DEPDC5: variants seen among roughly 807,000 people sequenced by gnomAD.
The protein encoded by DEPDC5 is DEP domain containing 5, GATOR1 subcomplex subunit, also known as GATOR1 complex protein DEPDC5.
In DEPDC5, 73 loss-of-function variants were observed where a neutral mutation model predicts 217.3. The observed-to-expected ratio is 0.34, with a 90% CI of 0.28 to 0.41. The LOEUF (loss-of-function observed/expected upper bound fraction) is 0.41, where lower values mean the gene tolerates loss of function less well. Ranked by LOEUF, DEPDC5 falls within the 10% of genes least tolerant of loss-of-function variation. The pLI is 1.00. For synonymous variants in DEPDC5, 733 were observed against 756.7 expected (o/e 0.97, Z 0.51); for missense variants, 1,675 against 2,070.1 (o/e 0.81, Z 3.70).
chr22:31,805,168 A>G, intron 17 of DEPDC5: 2 of 284,496 alleles, frequency 7.0e-6, no homozygotes, highest in South Asian at 4.6e-5. Context: ...ATGTCCTTCT[A>G]TTCCCAACTC....
intron 1 of DEPDC5, among the ~76,000 whole-genome samples, 153 bp from the exon 2 acceptor site, chr22:31,754,709 G>T (rs1466559015): frequency 6.6e-6 from 1 of 152,192 alleles, no homozygotes. Context: ...GTTCTCCATC[G>T]CTCCTTGTAA....
At chr22:31,888,240 GTTTTTTTTT>G (rs71184531) in intron 38 of DEPDC5, among the ~76,000 whole-genome samples, 1 of 66,352 alleles carries the variant, frequency 1.5e-5, no homozygotes, top group African/African-American at 6.4e-5. Context: ...TTTGTCTGTG[GTTTTTTTTT>G]TTTTTTTTTT....
chr22:31,842,575 C>CAAAAAAAAA (rs56671305), intron 27 of DEPDC5, among the ~76,000 whole-genome samples: 1 of 73,504 alleles, frequency 1.4e-5, no homozygotes, highest in Admixed American at 1.5e-4. Flanking sequence ...AACTCCATCT[C>CAAAAAAAAA]AAAAAAAAAA....
chr22:31,787,393 T>G (rs879325611), intron 10 of DEPDC5, among the ~76,000 whole-genome samples: 1 of 152,188 alleles, frequency 6.6e-6, no homozygotes, highest in Non-Finnish European at 1.5e-5. Flanking sequence ...GGGAAATTCA[T>G]ATAACCTTGA....
rs532542277 is a variant in DEPDC5, at chr22:31,854,119, A to G, written c.3156-3326A>G. ...AACATACCTGAGCATGCCCTCATGT[A>G]TGTTCTCATGTATGTTCTCATGTAT... On this transcript the variant is annotated intron_variant, in intron 31 of 42. Coordinates refer to ENST00000651528, the MANE Select transcript of DEPDC5 (RefSeq NM_001242896.3). 2.3e-4 allele frequency among the ~76,000 whole-genome samples: 35 copies of G among 152,146 alleles called. 1 individual carries two copies. The South Asian group carries it at 7.1e-3, about 31-fold the overall frequency.
chr22:31,798,919 A>G (rs1855839175), intron 14 of DEPDC5, among the ~76,000 whole-genome samples: 1 of 152,212 alleles, frequency 6.6e-6, no homozygotes, highest in African/African-American at 2.4e-5. Context: ...TTGTTTATAT[A>G]TAACAAAGCA....
chr22:31,803,187 C>T (rs2087069754), intron 15 of DEPDC5, among the ~76,000 whole-genome samples: 1 of 151,922 alleles, frequency 6.6e-6, no homozygotes, highest in Non-Finnish European at 1.5e-5. Flanking sequence ...TTTCAAGGGA[C>T]CCATGTGCTG....
At chr22:31,777,544 G>A (rs965466753) in intron 7 of DEPDC5, among the ~76,000 whole-genome samples, 2 of 151,874 alleles carry the variant, frequency 1.3e-5, no homozygotes, top group African/African-American at 4.8e-5. Context: ...ACAGGCGTGA[G>A]CCACCATGCC....
chr22:31,861,225 T>G, intron 32 of DEPDC5, 143 bp from the exon 33 acceptor site: 1 of 609,576 alleles, frequency 1.6e-6, no homozygotes, highest in Non-Finnish European at 2.9e-6. Flanking sequence ...ATGTCCTTGT[T>G]TCTCTCCTTC....
At position 31,819,008 on chromosome 22, in the gene DEPDC5, A is replaced by G. The variant is rs2089429523; in HGVS notation, c.1667-14A>G. ...TGGTTTTTCTTTGTGACTCAACTCC[A>G]TGATAACTGGCAGATGTCCTGGAGA... On this transcript the variant is annotated splice_polypyrimidine_tract_variant and intron_variant, in intron 21 of 42. Transcript: ENST00000651528. 2 of 1,613,982 alleles carry G rather than the reference A, an allele frequency of 1.2e-6. No individual in the cohort carries two copies. Among genetic ancestry groups the G allele is most frequent in the African/African-American group, 2.7e-5 (2 of 74,890 alleles).
At chr22:31,777,948 ATGT>A (rs1343231595) in intron 7 of DEPDC5, 148 bp from the exon 8 acceptor site, 1 of 746,060 alleles carries the variant, frequency 1.3e-6, no homozygotes, top group Non-Finnish European at 2.3e-6. Context: ...GGGTTTCACC[ATGT>A]TGTCCAGGCT....
intron 38 of DEPDC5, among the ~76,000 whole-genome samples, chr22:31,880,610 T>C (rs1173335166): frequency 1.3e-5 from 2 of 152,238 alleles, no homozygotes; most frequent in East Asian, 1.9e-4. Flanking sequence ...TCAAAGTTTC[T>C]AGATCCAGGC....
At chr22:31,797,772 A>AACAAGCACACATCTCTTCTCT in intron 13 of DEPDC5, 69 bp downstream of exon 13, 1 of 1,197,832 alleles carries the variant, frequency 8.3e-7, no homozygotes, top group Non-Finnish European at 1.2e-6. Context: ...GAGACAGAGA[A>AACAAGCACACATCTCTTCTCT]GAGATGTGTG....
intron 14 of DEPDC5, among the ~76,000 whole-genome samples, chr22:31,799,481 A>AT (rs201792562): frequency 2.4e-3 from 302 of 128,344 alleles, no homozygotes; most frequent in Middle Eastern, 4.5e-3. Context: ...TCTTAATGCT[A>AT]TTTTTTTTTT....
At chr22:31,800,987 CT>C (rs772458096) in intron 14 of DEPDC5, among the ~76,000 whole-genome samples, 344 of 140,766 alleles carry the variant, frequency 2.4e-3, no homozygotes, top group Non-Finnish European at 2.6e-3. Context: ...AAAAAAAATT[CT>C]TTTTTTTTTT....
chr22:31,834,939 T>G (rs1188462475), intron 25 of DEPDC5, among the ~76,000 whole-genome samples: 1 of 152,240 alleles, frequency 6.6e-6, no homozygotes, highest in East Asian at 1.9e-4. Flanking sequence ...AGTCATTTCT[T>G]ATTCATGACC....
chr22:31,849,295 C>A (rs2091904084), intron 31 of DEPDC5, among the ~76,000 whole-genome samples: 1 of 152,138 alleles, frequency 6.6e-6, no homozygotes, highest in South Asian at 2.1e-4. Flanking sequence ...CATTCTTATG[C>A]TACTAATAAA....
At chr22:31,783,428 C>T (rs549811245) in intron 8 of DEPDC5, among the ~76,000 whole-genome samples, 4 of 152,164 alleles carry the variant, frequency 2.6e-5, no homozygotes, top group Admixed American at 1.3e-4. Flanking sequence ...CCTCCGGACA[C>T]GGTGTGAGGA....
intron 38 of DEPDC5, among the ~76,000 whole-genome samples, chr22:31,888,727 T>C (rs2093372494): frequency 6.6e-6 from 1 of 152,010 alleles, no homozygotes; most frequent in Non-Finnish European, 1.5e-5. Context: ...TTTTTTGATA[T>C]TTTGTGGAGA....
Sources: gnomAD v4.1 joint callset for allele counts (sites outside exome capture counted in the v4.1 genomes callset) on GRCh38, gnomAD v4.1.1 for gene constraint, MANE v1.5 for transcripts, NCBI Gene and HGNC (gene_info 2026-07-23, HGNC 2026-07-21) for gene names.